NTRK2: variants seen among roughly 807,000 people sequenced by gnomAD.
NTRK2 encodes the protein neurotrophic receptor tyrosine kinase 2, also known as BDNF/NT-3 growth factors receptor.
NTRK2 carries 13 observed loss-of-function variants against 94.5 expected under a neutral mutation model. The ratio of observed to expected loss-of-function variants is 0.14; its 90% CI spans 0.09 to 0.22. The LOEUF (loss-of-function observed/expected upper bound fraction) is 0.22, where lower values mean the gene tolerates loss of function less well. Among genes scored for constraint, NTRK2 ranks in the 10% least tolerant of loss-of-function variants. The probability of loss-of-function intolerance (pLI) is 1.00; values close to 1 mark genes in which losing one functional copy is unlikely to be tolerated. For missense variants in NTRK2, 639 were observed against 1,071.2 expected (o/e 0.60, Z 5.63); for synonymous variants, 372 against 407.4 (o/e 0.91, Z 1.05).
intron 12 of NTRK2, among the ~76,000 whole-genome samples, chr9:84,763,592 C>T (rs2065782692): frequency 6.6e-6 from 1 of 152,060 alleles, no homozygotes; most frequent in Non-Finnish European, 1.5e-5. Flanking sequence ...TTGAAAAATA[C>T]ATTGACAGTA....
At chr9:84,676,146 A>AAGC (rs1284008889) in intron 2 of NTRK2, among the ~76,000 whole-genome samples, 1 of 152,216 alleles carries the variant, frequency 6.6e-6, no homozygotes, top group Non-Finnish European at 1.5e-5. Context: ...CCTGATCTTG[A>AAGC]AGCAGCCTTT....
At position 84,965,620 on chromosome 9, in the gene NTRK2, G is replaced by C. The variant is rs1043594049; in HGVS notation, c.2172+10103G>C. 5.3e-5 allele frequency among the ~76,000 whole-genome samples: 8 copies of C among 152,164 alleles called. No homozygotes were observed. In the East Asian group the frequency reaches 1.5e-3, roughly 29 times the overall value. ...ACCTGTTAACAAGTACTTTTTGGGA[G>C]GATGTAGAAGTTCTAATTTTGAACT... is the stretch of plus-strand genomic sequence containing the variant. On this transcript the variant is annotated intron_variant, in intron 17 of 18. Coordinates refer to ENST00000277120, the MANE Select transcript of NTRK2 (RefSeq NM_006180.6).
chr9:84,969,479 CA>C (rs34241144), intron 17 of NTRK2, among the ~76,000 whole-genome samples: 1 of 151,926 alleles, frequency 6.6e-6, no homozygotes, highest in African/African-American at 2.4e-5. Flanking sequence ...GTTCTGCATG[CA>C]AAAAAATAAA....
intron 14 of NTRK2, among the ~76,000 whole-genome samples, chr9:84,923,536 CA>C (rs1564467853): frequency 6.6e-6 from 1 of 152,142 alleles, no homozygotes; most frequent in Non-Finnish European, 1.5e-5. Flanking sequence ...TTATCCCCAC[CA>C]AAAACAAAAG....
chr9:84,830,945 A>T (rs2073508027), intron 12 of NTRK2, among the ~76,000 whole-genome samples: 1 of 152,188 alleles, frequency 6.6e-6, no homozygotes, highest in South Asian at 2.1e-4. Context: ...ATCATATTGT[A>T]TATAAATATT....
In NTRK2 at chr9:84,754,178, G is replaced by C. The variant is rs7861145; in HGVS notation, c.1396+2093G>C. ...CTTAATGAATTATAAGAAAGAGTGT[G>C]CTTAACCCTGCCACAGAGCCAGTAA... On this transcript the variant is annotated intron_variant, in intron 12 of 18. Transcript: ENST00000277120. 5.6e-3 allele frequency among the ~76,000 whole-genome samples: 847 copies of C among 152,230 alleles called. 16 individuals are homozygous for C. Among genetic ancestry groups the C allele is most frequent in the African/African-American group, 0.02 (818 of 41,530 alleles).
intron 12 of NTRK2, among the ~76,000 whole-genome samples, chr9:84,821,699 G>T (rs1305704156): frequency 6.6e-6 from 1 of 152,012 alleles, no homozygotes; most frequent in Non-Finnish European, 1.5e-5. Flanking sequence ...ATTTTCCAGG[G>T]TTTATAAATG....
intron 15 of NTRK2, among the ~76,000 whole-genome samples, chr9:84,942,718 A>G (rs892076673): frequency 2.6e-5 from 4 of 152,156 alleles, no homozygotes; most frequent in African/African-American, 9.6e-5. Context: ...AATATAAAAT[A>G]TTAATGAGAG....
intron 12 of NTRK2, among the ~76,000 whole-genome samples, chr9:84,824,033 C>G (rs1587523274): frequency 1.3e-5 from 2 of 152,206 alleles, no homozygotes; most frequent in East Asian, 3.9e-4. Flanking sequence ...ATGATTTGAG[C>G]CAAAGCCTTG....
At chr9:84,828,980 A>G (rs1057406293) in intron 12 of NTRK2, among the ~76,000 whole-genome samples, 6 of 150,170 alleles carry the variant, frequency 4.0e-5, no homozygotes, top group South Asian at 4.2e-4. Context: ...CCAGAAATCT[A>G]TGGTGTTTTT....
chr9:84,706,718 G>C (rs1055342237), intron 4 of NTRK2, among the ~76,000 whole-genome samples: 2 of 151,538 alleles, frequency 1.3e-5, no homozygotes, highest in African/African-American at 4.9e-5. Flanking sequence ...TTTTAGTGGA[G>C]ACGGGGTTTC....
At chr9:84,870,859 A>T (rs1039816396) in intron 14 of NTRK2, among the ~76,000 whole-genome samples, 1 of 152,242 alleles carries the variant, frequency 6.6e-6, no homozygotes, top group East Asian at 1.9e-4. Context: ...CTCTTTCCTA[A>T]AACTGCATGC....
chr9:84,960,035 C>G (rs1227981980), intron 17 of NTRK2, among the ~76,000 whole-genome samples: 2 of 152,166 alleles, frequency 1.3e-5, no homozygotes, highest in Non-Finnish European at 2.9e-5. Flanking sequence ...AAACCCTGTC[C>G]TTTAATTTAT....
At chr9:84,802,546 G>A (rs1377791845) in intron 12 of NTRK2, among the ~76,000 whole-genome samples, 1 of 152,200 alleles carries the variant, frequency 6.6e-6, no homozygotes, top group Non-Finnish European at 1.5e-5. Flanking sequence ...TTAGCAGCAT[G>A]GGCTTATTCC....
chr9:84,809,447 GATATA>G lies in NTRK2; in HGVS notation c.1397-51587_1397-51583del, dbSNP rs1031885872. On this transcript the variant is annotated intron_variant, in intron 12 of 18. Coordinates refer to ENST00000277120, the MANE Select transcript of NTRK2 (RefSeq NM_006180.6). ...ATATACATATACTATATGTCTTATAGATATAATATATACATATACAATGTACTGCA... is the reference window on the plus strand; with the variant it reads ...ATATACATATACTATATGTCTTATAGATATATACATATACAATGTACTGCA... Among the ~76,000 whole-genome samples the G allele has an allele frequency of 1.1e-4, 16 of 148,428 alleles. No homozygotes were observed. The South Asian group carries it at 2.3e-3, about 22-fold the overall frequency.
chr9:84,690,823 A>G (rs1345519827), intron 2 of NTRK2, among the ~76,000 whole-genome samples: 1 of 152,200 alleles, frequency 6.6e-6, no homozygotes, highest in Admixed American at 6.5e-5. Context: ...TCATAGATGA[A>G]ACTACTTACT....
intron 17 of NTRK2, among the ~76,000 whole-genome samples, chr9:84,990,361 TCTTA>T (rs756627618): frequency 5.9e-5 from 9 of 152,216 alleles, no homozygotes; most frequent in African/African-American, 2.2e-4. Context: ...TTGTTGTGTA[TCTTA>T]CTTAATACGG....
intron 14 of NTRK2, among the ~76,000 whole-genome samples, chr9:84,898,058 G>GT (rs397965892): frequency 0.08 from 11,326 of 141,878 alleles, 570 homozygotes; most frequent in Non-Finnish European, 0.12. Flanking sequence ...ATCTGCCACT[G>GT]TTTTTTTTTT....
chr9:84,869,301 G>C (rs1017466194), intron 14 of NTRK2, among the ~76,000 whole-genome samples: 5 of 152,090 alleles, frequency 3.3e-5, no homozygotes, highest in African/African-American at 1.2e-4. Flanking sequence ...ACCTCCATTT[G>C]GTCACTCCTT....
Sources: allele counts gnomAD v4.1 joint callset (sites outside exome capture counted in the v4.1 genomes callset), GRCh38; gene constraint gnomAD v4.1.1; transcripts MANE v1.5; gene names NCBI Gene and HGNC (gene_info 2026-07-23, HGNC 2026-07-21).